Variants in PCNX4 observed in about 807,000 individuals in gnomAD.
The protein encoded by PCNX4 is pecanex-like protein 4.
A neutral mutation model predicts 107.2 loss-of-function variants in PCNX4; 103 were observed. That is an observed-to-expected ratio of 0.96 (90% CI 0.82 to 1.13). PCNX4 has a LOEUF of 1.13. Among genes scored for constraint, PCNX4 ranks in the 50% most tolerant of loss-of-function variants. PCNX4 has a pLI of 0.00. For missense variants in PCNX4, 1,528 were observed against 1,379.4 expected (o/e 1.11, Z -1.71); for synonymous variants, 541 against 481.7 (o/e 1.12, Z -1.61).
chr14:60,104,761 A>G (rs1895599653), intron 1 of PCNX4, among the ~76,000 whole-genome samples: 1 of 152,122 alleles, frequency 6.6e-6, no homozygotes, highest in Admixed American at 6.6e-5. Flanking sequence ...AGTATGGGGG[A>G]AACCACCCCC....
intron 7 of PCNX4, among the ~76,000 whole-genome samples, 154 bp downstream of exon 7, chr14:60,118,846 G>C (rs1895902565): frequency 2.6e-5 from 4 of 152,186 alleles, no homozygotes. Context: ...TATGAAATTA[G>C]AAGTTTATCT....
At chr14:60,103,575 C>T (rs1895573855) in intron 1 of PCNX4, among the ~76,000 whole-genome samples, 1 of 152,182 alleles carries the variant, frequency 6.6e-6, no homozygotes, top group South Asian at 2.1e-4. Context: ...TCTTAGGCTT[C>T]TTGAGGGAAC....
Position 60,107,801 on chromosome 14 carries a change from G to A in PCNX4, c.163G>A (p.Gly55Ser), listed in dbSNP as rs1159161538. The A allele has an allele frequency of 6.2e-7, 1 of 1,612,742 alleles. No homozygotes were observed. Among genetic ancestry groups the A allele is most frequent in the East Asian group, 2.2e-5 (1 of 44,870 alleles). The change falls in exon 2 of 11, where the codon GGT (glycine) becomes AGT (serine). Residue 55 changes from glycine (G) to serine (S), a missense_variant. Transcript: ENST00000406854. The part of the protein sequence containing the change: ...IILFLMPWVW[G>S]GVGTLLYQLG... ...TCTTTTTCTAATGCCATGGGTTTGG[G>A]GTGGAGTCGGAACACTTTTATACCA...
rs542027728 is a variant in PCNX4 at position 60,146,324 on chromosome 14, C to T, written c.*12103C>T. 6.6e-6 allele frequency: 1 copy of T among 152,148 alleles called. No individual in the cohort carries two copies. Among genetic ancestry groups the T allele is most frequent in the Non-Finnish European group, 1.5e-5 (1 of 67,984 alleles). 9.4% of individuals were successfully genotyped at this position (152,148 alleles called of 1,614,324 possible). A position where few individuals can be genotyped will look rare whatever the true frequency, so the allele number is the denominator to read the frequency against. ...CAAAATATCCTTCATATGGACATTT[C>T]TGGAAGTACTACTACAGTGGGACTG... On this transcript the variant is annotated 3_prime_UTR_variant, in exon 11 of 11. Transcript: ENST00000406854. This position sits in a 1 kb window ranked among gnomAD's most constrained non-coding sequence, Gnocchi z 4.9.
chr14:60,095,718 G>T (rs1895410892), intron 1 of PCNX4, among the ~76,000 whole-genome samples: 3 of 151,292 alleles, frequency 2.0e-5, no homozygotes, highest in Admixed American at 2.0e-4. Flanking sequence ...TTGCTAGGAT[G>T]GTTTATTCCT....
chr14:60,101,697 T>A (rs1595160827), intron 1 of PCNX4, among the ~76,000 whole-genome samples: 1 of 151,680 alleles, frequency 6.6e-6, no homozygotes, highest in East Asian at 1.9e-4. Flanking sequence ...TCTCAAAATA[T>A]AAAAAAAATA....
chr14:60,133,877 A>G (rs1896199001), intron 10 of PCNX4, 93 bp from the exon 11 acceptor site: 4 of 1,293,418 alleles, frequency 3.1e-6, no homozygotes, highest in Non-Finnish European at 4.2e-6. Flanking sequence ...CCTAATTACA[A>G]TGCAATTTTT....
chr14:60,115,197 T>C lies in PCNX4; in HGVS notation c.1093T>C (p.Leu365=). The change falls in exon 4 of 11, where the codon TTG becomes CTG. Residue 365 remains leucine (L), a synonymous_variant. Transcript: ENST00000406854. ...ECLFYIIILV[L]ALLETSLLHH... is the part of the protein sequence containing the mutation. ...CCTTTTCTACATCATTATATTAGTCTTGGCTCTTTTAGAAACTAGCTTGCT... is the reference window on the plus strand; with the variant it reads ...CCTTTTCTACATCATTATATTAGTCCTGGCTCTTTTAGAAACTAGCTTGCT... 6.2e-7 allele frequency: 1 copy of C among 1,613,682 alleles called. No homozygotes were observed. The highest frequency in any genetic ancestry group is 8.5e-7 in the Non-Finnish European group (1 of 1,179,618).
chr14:60,144,987 G>T lies in PCNX4; in HGVS notation c.*10766G>T, dbSNP rs779528610. ...CTTTTCAGTCATGTTTTGTCTTAAA[G>T]ATTTTAAAATAAGAAGAGTCTGCAT... is the stretch of plus-strand genomic sequence containing the variant. On this transcript the variant is annotated 3_prime_UTR_variant, in exon 11 of 11. Transcript: ENST00000406854. 5 of 1,602,640 alleles carry T rather than the reference G, an allele frequency of 3.1e-6. No homozygotes were observed. The highest frequency in any genetic ancestry group is 4.2e-6 in the Non-Finnish European group (5 of 1,176,804).
rs1896292701 is a variant in PCNX4, at chr14:60,140,321, G to C, written c.*6100G>C. On this transcript the variant is annotated 3_prime_UTR_variant, in exon 11 of 11. Transcript: ENST00000406854. The surrounding 1 kb of genome is among the most constrained non-coding windows in gnomAD (Gnocchi z 4.2). ...AATGAAAAAATAGAAAATTCGAGTA[G>C]TTCCCTATCTGCTAAAGAAGTGGAA... 3 of 152,138 alleles carry C rather than the reference G, an allele frequency of 2.0e-5. 1 individual carries two copies. The South Asian group carries it at 6.2e-4, about 31-fold the overall frequency. 9.4% of individuals were successfully genotyped at this position (152,138 alleles called of 1,614,324 possible).
Position 60,108,163 on chromosome 14 carries a change from A to G in PCNX4, c.525A>G (p.Leu175=). The change falls in exon 2 of 11, where the codon CTA becomes CTG. Residue 175 remains leucine (L), a synonymous_variant. Transcript: ENST00000406854. ...ATGGCAGTACAGGAGGCACTGCTCT[A>G]CTATTCTTCTTTGGATGGATGACAC... ...LLYGSTGGTA[L]LFFFGWMTLC... 1.9e-6 allele frequency: 3 copies of G among 1,612,888 alleles called. No homozygotes were observed. Among genetic ancestry groups the G allele is most frequent in the Non-Finnish European group, 2.5e-6 (3 of 1,179,896 alleles).
chr14:60,124,683 G>A lies in PCNX4; in HGVS notation c.2512G>A (p.Glu838Lys). 3 of 1,613,316 alleles carry A rather than the reference G, an allele frequency of 1.9e-6. No individual in the cohort carries two copies. The highest frequency in any genetic ancestry group is 1.3e-5 in the African/African-American group (1 of 74,994). Residue 838 changes from glutamate (E) to lysine (K), a missense_variant, in exon 9 of 11, where the codon GAA (glutamate) becomes AAA (lysine). Transcript: ENST00000406854. ...DDEPTIKKVI[E>K]EKHQLKDLPG... ...TGAGCCAACTATCAAAAAAGTAATA[G>A]AAGAAAAACATCAGTTGAAAGATTT...
intron 10 of PCNX4, among the ~76,000 whole-genome samples, chr14:60,127,551 G>T (rs762555658): frequency 6.6e-6 from 1 of 152,162 alleles, no homozygotes; most frequent in Non-Finnish European, 1.5e-5. Context: ...ACTGGGCAGG[G>T]TATGGTAGGG....
chr14:60,097,333 G>C (rs1895444159), intron 1 of PCNX4, among the ~76,000 whole-genome samples: 1 of 152,202 alleles, frequency 6.6e-6, no homozygotes, highest in Non-Finnish European at 1.5e-5. Flanking sequence ...CTGGAAAGCT[G>C]AGGAAGCAAC....
intron 8 of PCNX4, among the ~76,000 whole-genome samples, chr14:60,123,820 G>A (rs1359600407): frequency 2.0e-5 from 3 of 152,050 alleles, no homozygotes; most frequent in African/African-American, 7.2e-5. Flanking sequence ...AAAGTGGGAT[G>A]GAAAGCATAT....
At position 60,115,695 on chromosome 14, in the gene PCNX4, TTCTC is replaced by T; in HGVS notation, c.1358-20_1358-17del. ...AGGAGCTATTTTGCCTTAATTAAAT[TTCTC>T]TCTTTTTGTTTTGTTTTAGTATCAC... On this transcript the variant is annotated intron_variant, in intron 4 of 10. Coordinates refer to ENST00000406854, the MANE Select transcript of PCNX4 (RefSeq NM_001330177.2). 2 of 1,585,666 alleles carry T rather than the reference TTCTC, an allele frequency of 1.3e-6. No homozygotes were observed. The highest frequency in any genetic ancestry group is 1.7e-6 in the Non-Finnish European group (2 of 1,159,784).
In PCNX4 at chr14:60,145,336, A is replaced by C. The variant is rs1407783187; in HGVS notation, c.*11115A>C. On this transcript the variant is annotated 3_prime_UTR_variant, in exon 11 of 11. Coordinates refer to ENST00000406854, the MANE Select transcript of PCNX4 (RefSeq NM_001330177.2). The surrounding 1 kb of genome is among the most constrained non-coding windows in gnomAD (Gnocchi z 4.0). ...CACTGACTTGCCCTAATAAATAAAAACAATGAGTCAGATTATGTAGAATTG... is the reference window on the plus strand; with the variant it reads ...CACTGACTTGCCCTAATAAATAAAACCAATGAGTCAGATTATGTAGAATTG... 2 of 181,780 alleles carry C rather than the reference A, an allele frequency of 1.1e-5. No homozygotes were observed. Among genetic ancestry groups the C allele is most frequent in the African/African-American group, 4.7e-5 (2 of 42,430 alleles). The allele number at this position is 181,780 out of a possible 1,614,324, so 11.3% of individuals were successfully genotyped here.
At chr14:60,101,427 C>T (rs1343357400) in intron 1 of PCNX4, among the ~76,000 whole-genome samples, 1 of 152,136 alleles carries the variant, frequency 6.6e-6, no homozygotes, top group Non-Finnish European at 1.5e-5. Flanking sequence ...TAAAGAAGAG[C>T]TCTCAGAAGT....
At chr14:60,100,304 T>G (rs562796066) in intron 1 of PCNX4, among the ~76,000 whole-genome samples, 1 of 152,294 alleles carries the variant, frequency 6.6e-6, no homozygotes, top group South Asian at 2.1e-4. Context: ...TTAATTTTGT[T>G]TTTTAATTTT....
Sources: gnomAD v4.1 joint callset for allele counts (sites outside exome capture counted in the v4.1 genomes callset) on GRCh38, gnomAD v4.1.1 for gene constraint, Gnocchi (gnomAD v3.1) non-coding constraint, MANE v1.5 for transcripts, NCBI Gene and HGNC (gene_info 2026-07-23, HGNC 2026-07-21) for gene names.